MTHFD1L: variants seen among roughly 807,000 people sequenced by gnomAD.
The protein encoded by MTHFD1L is monofunctional C1-tetrahydrofolate synthase, mitochondrial.
A neutral mutation model predicts 119.5 loss-of-function variants in MTHFD1L; 81 were observed. The observed-to-expected ratio is 0.68, with a 90% CI of 0.57 to 0.82. The LOEUF is 0.82. MTHFD1L is among the 40% of genes least tolerant of loss of function. The pLI is 0.00. For missense variants in MTHFD1L, 1,125 were observed against 1,253.4 expected (o/e 0.90, Z 1.55); for synonymous variants, 430 against 475.2 (o/e 0.90, Z 1.24).
chr6:150,892,779 A>G (rs112582264), intron 7 of MTHFD1L, among the ~76,000 whole-genome samples: 9,292 of 152,146 alleles, frequency 0.061, 930 homozygotes, highest in African/African-American at 0.21. Context: ...TTGAATTGTC[A>G]CTATTCTGTT....
At chr6:150,880,439 A>G (rs4869952) in intron 4 of MTHFD1L, among the ~76,000 whole-genome samples, 77,674 of 152,080 alleles carry the variant, frequency 0.51, 20,362 homozygotes, top group African/African-American at 0.62. Context: ...ACAGGATTTC[A>G]TTCCTTTTTA....
chr6:150,957,627 G>C (rs1454435554), intron 17 of MTHFD1L, among the ~76,000 whole-genome samples: 1 of 152,172 alleles, frequency 6.6e-6, no homozygotes, highest in African/African-American at 2.4e-5. Flanking sequence ...CAACAGTAGA[G>C]ATGGTTGCAT....
At position 151,015,526 on chromosome 6, in the gene MTHFD1L, C is replaced by A; in HGVS notation, c.2419C>A (p.Arg807Ser). Reference protein sequence around the residue: ...VALNVFKTDTRAEIDLVCELA... With the variant: ...VALNVFKTDTSAEIDLVCELA... ...CATTTTCTTCACTAGGACCGACACC[C>A]GCGCTGAGATTGACTTGGTGTGTGA... Residue 807 changes from arginine to serine, a missense_variant, in exon 24 of 28, where the codon CGC becomes AGC. Transcript: ENST00000367321. 1 of 1,611,586 alleles carries A rather than the reference C, an allele frequency of 6.2e-7. No individual in the cohort carries two copies. Among genetic ancestry groups the A allele is most frequent in the South Asian group, 1.1e-5 (1 of 90,612 alleles).
chr6:151,046,981 A>G (rs556891386), intron 26 of MTHFD1L, among the ~76,000 whole-genome samples: 35 of 152,298 alleles, frequency 2.3e-4, no homozygotes, highest in African/African-American at 8.4e-4. Flanking sequence ...AATTGTGGAG[A>G]AATATAACGG....
At chr6:151,048,611 A>G (rs1013002894) in intron 26 of MTHFD1L, among the ~76,000 whole-genome samples, 3 of 152,174 alleles carry the variant, frequency 2.0e-5, no homozygotes, top group African/African-American at 2.4e-5. Context: ...TCTTTTAAGG[A>G]GGTAATAAGA....
At chr6:150,935,098 A>G in intron 11 of MTHFD1L, 1 of 1,613,952 alleles carries the variant, frequency 6.2e-7, no homozygotes, top group Non-Finnish European at 8.5e-7. Flanking sequence ...AGTTCAATGA[A>G]TTTGTAAATA....
chr6:150,971,987 T>C lies in MTHFD1L; in HGVS notation c.2054T>C (p.Ile685Thr), dbSNP rs767054418. 3 of 1,614,192 alleles carry C rather than the reference T, an allele frequency of 1.9e-6. No homozygotes were observed. The highest frequency in any genetic ancestry group is 2.5e-6 in the Non-Finnish European group (3 of 1,180,030). The change falls in exon 20 of 28, where the codon ATT (isoleucine) becomes ACT (threonine). Residue 685 changes from isoleucine to threonine, a missense_variant. By Grantham distance (89) the Ile-to-Thr change is moderately conservative. Coordinates refer to ENST00000367321, the MANE Select transcript of MTHFD1L (RefSeq NM_015440.5). ...VFVHAGPFAN[I>T]AHGNSSVLAD... ...GTGCATGCGGGCCCTTTTGCTAACA[T>C]TGCTCACGGCAACTCTTCAGTGTTG...
chr6:150,866,685 A>T (rs1316486404), intron 1 of MTHFD1L: 5 of 1,164,836 alleles, frequency 4.3e-6, no homozygotes, highest in Non-Finnish European at 5.3e-6. Context: ...GAGAGGTCTC[A>T]GCGCTGGTTT....
intron 26 of MTHFD1L, chr6:151,054,920 A>C (rs1789646031): frequency 6.6e-6 from 1 of 152,182 alleles, no homozygotes; most frequent in Non-Finnish European, 1.5e-5. Flanking sequence ...AATACATAGA[A>C]AAGCAAGCAG....
Position 151,013,840 on chromosome 6 carries a change from T to C in MTHFD1L, c.2307+20T>C, listed in dbSNP as rs11969419. On this transcript the variant is annotated intron_variant, in intron 22 of 27. Coordinates refer to ENST00000367321, the MANE Select transcript of MTHFD1L (RefSeq NM_015440.5). The stretch of plus-strand genomic sequence containing the variant: ...GAGGAGGTAAGAGGAGCTGTTTAGA[T>C]GCTTATGTGAAGAATCTCTTAAATC... 19,894 of 1,603,608 alleles carry C rather than the reference T, an allele frequency of 0.012. 2,111 individuals carry two copies. The African/African-American group carries it at 0.23, about 19-fold the overall frequency.
In MTHFD1L at chr6:151,056,277, G is replaced by A. The variant is rs117581763; in HGVS notation, c.2847+19160G>A. ...GGGTGGGTTAGTCACCTTTTTAGGT[G>A]AGAGACTTGATTTGGGTACACAGTT... is the stretch of plus-strand genomic sequence containing the variant. On this transcript the variant is annotated intron_variant, in intron 26 of 27. Coordinates refer to ENST00000367321, the MANE Select transcript of MTHFD1L (RefSeq NM_015440.5). Among the ~76,000 whole-genome samples the A allele has an allele frequency of 7.9e-3, 1,197 of 152,324 alleles. 23 individuals are homozygous for A. Among genetic ancestry groups the A allele is most frequent in the Admixed American group, 0.038 (584 of 15,298 alleles).
At chr6:151,014,114 T>C (rs1782670487) in intron 22 of MTHFD1L, among the ~76,000 whole-genome samples, 1 of 152,042 alleles carries the variant, frequency 6.6e-6, no homozygotes, top group East Asian at 1.9e-4. Context: ...AGTCCCAGCA[T>C]GAGAATCGCT....
chr6:151,000,846 A>C (rs185611314), intron 20 of MTHFD1L, among the ~76,000 whole-genome samples: 2 of 152,242 alleles, frequency 1.3e-5, no homozygotes, highest in African/African-American at 2.4e-5. Context: ...ACTGTTTGGC[A>C]GTTAACACCA....
At chr6:151,069,762 C>G (rs1285907283) in intron 26 of MTHFD1L, among the ~76,000 whole-genome samples, 1 of 152,116 alleles carries the variant, frequency 6.6e-6, no homozygotes, top group Non-Finnish European at 1.5e-5. Context: ...GGGCTACTTG[C>G]CAGACAACTC....
At chr6:151,073,458 G>A (rs1205546507) in intron 26 of MTHFD1L, among the ~76,000 whole-genome samples, 1 of 152,150 alleles carries the variant, frequency 6.6e-6, no homozygotes, top group African/African-American at 2.4e-5. Context: ...AAATTAGCAG[G>A]CATGCAAAGA....
At chr6:150,946,434 G>A (rs1793957830) in intron 15 of MTHFD1L, among the ~76,000 whole-genome samples, 1 of 152,158 alleles carries the variant, frequency 6.6e-6, no homozygotes, top group Non-Finnish European at 1.5e-5. Context: ...ACAGGTGTGA[G>A]CTACTGCGCC....
intron 11 of MTHFD1L, among the ~76,000 whole-genome samples, chr6:150,935,897 T>A (rs1031647387): frequency 4.6e-5 from 7 of 151,868 alleles, no homozygotes; most frequent in East Asian, 1.9e-4. Context: ...AAAAAAAAAA[T>A]TTTTAACAAT....
At chr6:150,953,293 G>A (rs1298341899) in intron 16 of MTHFD1L, among the ~76,000 whole-genome samples, 1 of 152,162 alleles carries the variant, frequency 6.6e-6, no homozygotes, top group Non-Finnish European at 1.5e-5. Context: ...GACATAGTCA[G>A]CACTGTAGTA....
chr6:150,957,542 G>GA (rs1209457971), intron 17 of MTHFD1L, among the ~76,000 whole-genome samples: 1 of 152,080 alleles, frequency 6.6e-6, no homozygotes, highest in Non-Finnish European at 1.5e-5. Context: ...TAACGTACAG[G>GA]AAAAAATTCT....
Sources: allele counts gnomAD v4.1 joint callset (sites outside exome capture counted in the v4.1 genomes callset), GRCh38; gene constraint gnomAD v4.1.1; transcripts MANE v1.5; gene names NCBI Gene and HGNC (gene_info 2026-07-23, HGNC 2026-07-21).